ADAMTS14: variants seen among roughly 807,000 people sequenced by gnomAD.
The protein encoded by ADAMTS14 is A disintegrin and metalloproteinase with thrombospondin motifs 14.
Under a neutral mutation model 128.6 loss-of-function variants are expected in ADAMTS14, and 100 were observed. That is an observed-to-expected ratio of 0.78 (90% CI 0.66 to 0.92). The LOEUF (loss-of-function observed/expected upper bound fraction) is 0.92. ADAMTS14 is among the 40% of genes least tolerant of loss of function. The pLI is 0.00. For missense variants in ADAMTS14, 1,562 were observed against 1,658.6 expected, an observed-to-expected ratio of 0.94 and a Z score of 1.01; for synonymous variants, 665 against 653.8, an observed-to-expected ratio of 1.02 and a Z score of -0.26.
chr10:70,750,579 G>A (rs1293514167), intron 16 of ADAMTS14, among the ~76,000 whole-genome samples: 2 of 152,218 alleles, frequency 1.3e-5, no homozygotes, highest in Admixed American at 6.5e-5. Context: ...TGTTCCTGGT[G>A]TCACCCTCAC....
At chr10:70,684,211 G>A (rs1407487574) in intron 2 of ADAMTS14, among the ~76,000 whole-genome samples, 1 of 152,068 alleles carries the variant, frequency 6.6e-6, no homozygotes, top group East Asian at 1.9e-4. Context: ...CACGGTAACA[G>A]TGCCAAGAAG....
At chr10:70,741,707 T>A (rs1460677983) in intron 12 of ADAMTS14, among the ~76,000 whole-genome samples, 1 of 152,048 alleles carries the variant, frequency 6.6e-6, no homozygotes, top group African/African-American at 2.4e-5. Context: ...TCATAACGAC[T>A]CTCTAGGCTG....
At chr10:70,681,668 C>T (rs753952461) in intron 2 of ADAMTS14, among the ~76,000 whole-genome samples, 8 of 152,186 alleles carry the variant, frequency 5.3e-5, no homozygotes, top group South Asian at 2.1e-4. Flanking sequence ...AGTGAGTAGG[C>T]GTCCTGTGGG....
rs774787730 is a variant in ADAMTS14 at position 70,730,222 on chromosome 10, C to T, written c.1075C>T (p.Leu359Phe). ...TGAGCACCATGACCACGTTGTGTTC[C>T]TCACCCGGCAGGACTTTGGGCCCTC... ...HAEHHDHVVF[L>F]TRQDFGPSGY... The change falls in exon 6 of 22, where the codon CTC (leucine) becomes TTC (phenylalanine). Residue 359 changes from leucine (L) to phenylalanine (F), a missense_variant. By Grantham distance (22) the Leu-to-Phe change is conservative (BLOSUM62 0). Coordinates refer to ENST00000373207, the MANE Select transcript of ADAMTS14 (RefSeq NM_080722.4). The T allele has an allele frequency of 6.2e-6, 10 of 1,614,072 alleles. No homozygotes were observed. Among genetic ancestry groups the T allele is most frequent in the Non-Finnish European group, 8.5e-6 (10 of 1,179,984 alleles).
intron 4 of ADAMTS14, among the ~76,000 whole-genome samples, chr10:70,721,303 G>A (rs60547943): frequency 0.12 from 18,304 of 151,650 alleles, 1,570 homozygotes; most frequent in East Asian, 0.45. Context: ...GATTACAGGC[G>A]TGAGCCACCA....
chr10:70,731,559 G>A (rs1002293487), intron 6 of ADAMTS14, among the ~76,000 whole-genome samples: 2 of 152,170 alleles, frequency 1.3e-5, no homozygotes, highest in Non-Finnish European at 2.9e-5. Context: ...CGGCCCCCCT[G>A]CACTGCCATG....
chr10:70,692,397 G>A (rs1199125085), intron 2 of ADAMTS14, among the ~76,000 whole-genome samples: 2 of 152,196 alleles, frequency 1.3e-5, no homozygotes, highest in Non-Finnish European at 2.9e-5. Context: ...GCTGAGAGAG[G>A]GCTGGTGCCG....
intron 4 of ADAMTS14, among the ~76,000 whole-genome samples, chr10:70,709,383 G>A (rs995537046): frequency 1.3e-5 from 2 of 151,232 alleles, no homozygotes; most frequent in African/African-American, 2.4e-5. Context: ...CAGGACTCTC[G>A]TCACAGAAAA....
chr10:70,739,076 T>C, intron 11 of ADAMTS14, 86 bp downstream of exon 11: 2 of 1,473,590 alleles, frequency 1.4e-6, no homozygotes, highest in Non-Finnish European at 1.8e-6. Flanking sequence ...GGGGAGACAG[T>C]GCAGGAGAGA....
chr10:70,698,432 G>C (rs888368955), intron 2 of ADAMTS14, among the ~76,000 whole-genome samples: 3 of 152,218 alleles, frequency 2.0e-5, no homozygotes, highest in Non-Finnish European at 2.9e-5. Context: ...AGAGATTCAA[G>C]GGAACTTGGG....
At position 70,758,093 on chromosome 10, in the gene ADAMTS14, T is replaced by C. The variant is rs772394221; in HGVS notation, c.3067+2T>C. 1 of 1,612,084 alleles carries C rather than the reference T, an allele frequency of 6.2e-7. No homozygotes were observed. Among genetic ancestry groups the C allele is most frequent in the Non-Finnish European group, 8.5e-7 (1 of 1,179,038 alleles). The stretch of plus-strand genomic sequence containing the variant: ...TCTGCAGCCTGCCCGCCTGTGGAGG[T>C]GAGCCAGAGGGGATGGGGAGGCCAG... On this transcript the variant is annotated splice_donor_variant, in intron 20 of 21. Transcript: ENST00000373207. LOFTEE classifies it high-confidence loss of function.
intron 2 of ADAMTS14, among the ~76,000 whole-genome samples, chr10:70,680,452 C>A (rs1418389509): frequency 6.6e-6 from 1 of 152,170 alleles, no homozygotes; most frequent in African/African-American, 2.4e-5. Flanking sequence ...ACTAAAAGCA[C>A]CTGGCCTATG....
At chr10:70,708,838 CCCACT>C (rs1564531150) in intron 4 of ADAMTS14, 60 bp downstream of exon 4, 6 of 1,264,276 alleles carry the variant, frequency 4.7e-6, no homozygotes, top group Non-Finnish European at 6.4e-6. Flanking sequence ...CCCACCCCAC[CCCACT>C]GGGCCCCAGT....
chr10:70,752,026 C>T (rs972537322), intron 17 of ADAMTS14, 69 bp from the exon 18 acceptor site: 1 of 1,559,814 alleles, frequency 6.4e-7, no homozygotes. Context: ...AGGTACTGCC[C>T]CTGAGGCCCC....
Position 70,760,635 on chromosome 10 carries a change from C to T in ADAMTS14, c.3454C>T (p.Pro1152Ser). ...TCAGCATGGCCGAGCCACACAGCTC[C>T]CAGGAGCTCTGGATACAAGCTCCCC... The part of the protein sequence containing the change: ...DHQHGRATQL[P>S]GALDTSSPGT... The change falls in exon 22 of 22, where the codon CCA becomes TCA. Residue 1152 changes from proline to serine, a missense_variant. Pro to Ser is a moderately conservative substitution (Grantham distance 74, BLOSUM62 -1). Coordinates refer to ENST00000373207, the MANE Select transcript of ADAMTS14 (RefSeq NM_080722.4). The T allele has an allele frequency of 6.2e-7, 1 of 1,614,130 alleles. No homozygotes were observed.
At chr10:70,718,480 C>G (rs1841132634) in intron 4 of ADAMTS14, among the ~76,000 whole-genome samples, 1 of 150,460 alleles carries the variant, frequency 6.6e-6, no homozygotes, top group African/African-American at 2.4e-5. Flanking sequence ...CTCCGTCTCG[C>G]AGGTTCAAGT....
chr10:70,735,302 G>C lies in ADAMTS14; in HGVS notation c.1485+1G>C. 6.2e-7 allele frequency: 1 copy of C among 1,613,674 alleles called. No homozygotes were observed. The highest frequency in any genetic ancestry group is 8.5e-7 in the Non-Finnish European group (1 of 1,179,848). On this transcript the variant is annotated splice_donor_variant, in intron 9 of 21. Transcript: ENST00000373207. LOFTEE classifies it high-confidence loss of function. ...CAGTGGCTACCAGACCTGCTTGGCA[G>C]TAAGTAGCCATCTGGCCTCTGCCAG...
At chr10:70,752,353 A>G (rs1025350538) in intron 18 of ADAMTS14, 126 bp downstream of exon 18, 88 of 1,341,762 alleles carry the variant, frequency 6.6e-5, no homozygotes, top group Non-Finnish European at 8.3e-5. Context: ...AGGCAACACA[A>G]CTTTCAGTGC....
intron 3 of ADAMTS14, among the ~76,000 whole-genome samples, chr10:70,704,790 C>T (rs1332825508): frequency 9.2e-5 from 14 of 151,760 alleles, no homozygotes; most frequent in Non-Finnish European, 2.1e-4. Context: ...TACACCCACA[C>T]TCACACATAG....
Sources: gnomAD v4.1 joint callset for allele counts (sites outside exome capture counted in the v4.1 genomes callset) on GRCh38, gnomAD v4.1.1 for gene constraint, MANE v1.5 for transcripts, NCBI Gene and HGNC (gene_info 2026-07-23, HGNC 2026-07-21) for gene names.